ALDH1A1: variants seen among roughly 807,000 people sequenced by gnomAD.
ALDH1A1 encodes aldehyde dehydrogenase 1 family member A1, also known as aldehyde dehydrogenase 1A1.
A neutral mutation model predicts 62.1 loss-of-function variants in ALDH1A1; 19 were observed. The observed-to-expected ratio is 0.31, with a 90% confidence interval of 0.21 to 0.45. ALDH1A1 has a LOEUF of 0.45. Ranked by LOEUF, ALDH1A1 falls within the 20% of genes least tolerant of loss-of-function variation. ALDH1A1 has a pLI of 1.00. For synonymous variants in ALDH1A1, 231 were observed against 215.9 expected, an observed-to-expected ratio of 1.07 and a Z score of -0.61; for missense variants, 521 against 607.1, an observed-to-expected ratio of 0.86 and a Z score of 1.49.
Position 72,912,071 on chromosome 9 carries a change from T to C in ALDH1A1, c.1087A>G (p.Lys363Glu). 1 of 1,613,858 alleles carries C rather than the reference T, an allele frequency of 6.2e-7. No homozygotes were observed. Among genetic ancestry groups the C allele is most frequent in the Non-Finnish European group, 8.5e-7 (1 of 1,179,792 alleles). The change falls in exon 10 of 13, where the codon AAA becomes GAA. Residue 363 changes from lysine (K) to glutamate (E), a missense_variant. Physicochemically the swap from Lys to Glu is moderately conservative, Grantham distance 56 (BLOSUM62 1). Coordinates refer to ENST00000297785, the MANE Select transcript of ALDH1A1 (RefSeq NM_000689.5). ...CCACATTCCAGTTTGGCCCCTTCTT[T>C]CTTCCCACTCTCAATGAGGTCAAGT... is the stretch of plus-strand genomic sequence containing the variant. The part of the protein sequence containing the change: ...KILDLIESGK[K>E]EGAKLECGGG...
At chr9:72,932,314 A>G (rs777841750) in intron 2 of ALDH1A1, among the ~76,000 whole-genome samples, 1 of 152,190 alleles carries the variant, frequency 6.6e-6, no homozygotes, top group African/African-American at 2.4e-5. Context: ...AATCCCATCT[A>G]AGGAGATATC....
intron 11 of ALDH1A1, among the ~76,000 whole-genome samples, chr9:72,907,837 A>G (rs1446620704): frequency 6.6e-6 from 1 of 152,172 alleles, no homozygotes; most frequent in Non-Finnish European, 1.5e-5. Flanking sequence ...GCTGAATTTT[A>G]TTAATGCTTT....
At chr9:72,920,567 T>C (rs1469032165) in intron 7 of ALDH1A1, among the ~76,000 whole-genome samples, 1 of 152,226 alleles carries the variant, frequency 6.6e-6, no homozygotes, top group Non-Finnish European at 1.5e-5. Context: ...AAATCAAATA[T>C]ATTTTTGTAA....
chr9:72,949,171 C>A (rs1308179702), intron 1 of ALDH1A1, among the ~76,000 whole-genome samples: 2 of 151,914 alleles, frequency 1.3e-5, no homozygotes, highest in Admixed American at 6.6e-5. Flanking sequence ...TGCCTCATAG[C>A]CTCTCCTAGC....
chr9:72,935,176 C>A (rs535853945), intron 2 of ALDH1A1, among the ~76,000 whole-genome samples: 10 of 152,194 alleles, frequency 6.6e-5, no homozygotes, highest in Admixed American at 6.5e-4. Context: ...AACTGTTAGA[C>A]ATAACAGTTA....
At chr9:72,911,568 TTCTAC>T (rs1829989045) in intron 10 of ALDH1A1, among the ~76,000 whole-genome samples, 1 of 152,186 alleles carries the variant, frequency 6.6e-6, no homozygotes, top group Non-Finnish European at 1.5e-5. Context: ...CTTCTATGAG[TTCTAC>T]TCTTTGAGAT....
intron 12 of ALDH1A1, among the ~76,000 whole-genome samples, chr9:72,905,657 G>T (rs1484945464): frequency 1.3e-4 from 19 of 151,996 alleles, no homozygotes; most frequent in Admixed American, 1.1e-3. Flanking sequence ...TTCCCAAATG[G>T]ATTACATTCA....
chr9:72,927,338 C>A (rs548537083), intron 4 of ALDH1A1, among the ~76,000 whole-genome samples, 161 bp from the exon 5 acceptor site: 2 of 152,006 alleles, frequency 1.3e-5, no homozygotes, highest in Admixed American at 1.3e-4. Context: ...TTTGGGAGGC[C>A]GAGGCAGGCA....
At position 72,905,954 on chromosome 9, in the gene ALDH1A1, T is replaced by C; in HGVS notation, c.1433+4A>G. The C allele has an allele frequency of 6.3e-7, 1 of 1,599,872 alleles. No individual in the cohort carries two copies. The highest frequency in any genetic ancestry group is 8.6e-7 in the Non-Finnish European group (1 of 1,169,346). On this transcript the variant is annotated splice_donor_region_variant and intron_variant, in intron 12 of 12. Transcript: ENST00000297785. ...TATTTATCTTAATAGAACGTTAATC[T>C]TACAGTTCTCTTCCATTTCCAGACA... is the stretch of plus-strand genomic sequence containing the variant.
chr9:72,932,694 T>C (rs771513308), intron 2 of ALDH1A1, among the ~76,000 whole-genome samples: 3 of 152,234 alleles, frequency 2.0e-5, no homozygotes, highest in Non-Finnish European at 2.9e-5. Flanking sequence ...TGATTGCTTA[T>C]ATTTAGACAT....
chr9:72,910,722 A>G (rs373983342), intron 10 of ALDH1A1, among the ~76,000 whole-genome samples: 2 of 152,188 alleles, frequency 1.3e-5, no homozygotes, highest in Admixed American at 1.3e-4. Flanking sequence ...GAAGACAAAA[A>G]TCAGAAATGA....
chr9:72,912,905 C>T (rs1480370315), intron 9 of ALDH1A1, among the ~76,000 whole-genome samples: 1 of 152,142 alleles, frequency 6.6e-6, no homozygotes, highest in Non-Finnish European at 1.5e-5. Flanking sequence ...AAATCTGGGG[C>T]TAATTTTTGT....
At chr9:72,918,607 C>T in intron 8 of ALDH1A1, 113 bp downstream of exon 8, 1 of 650,592 alleles carries the variant, frequency 1.5e-6, no homozygotes, top group Non-Finnish European at 2.5e-6. Context: ...ATGTTAGAAG[C>T]AAATGCTTTT....
At chr9:72,945,242 T>C (rs1830462376) in intron 1 of ALDH1A1, among the ~76,000 whole-genome samples, 2 of 152,054 alleles carry the variant, frequency 1.3e-5, no homozygotes, top group Non-Finnish European at 2.9e-5. Flanking sequence ...TATCTGCTGA[T>C]ATGAGATTTT....
Position 72,912,994 on chromosome 9 carries a change from G to A in ALDH1A1, c.1036-872C>T, listed in dbSNP as rs1330772694. On this transcript the variant is annotated intron_variant, in intron 9 of 12. Coordinates refer to ENST00000297785, the MANE Select transcript of ALDH1A1 (RefSeq NM_000689.5). ...AACCGGTGAGGGCTGCCTATCTCAG[G>A]TGTAGCAGGGGTTAAGGATTAAAGG... Among the ~76,000 whole-genome samples the A allele has an allele frequency of 4.6e-5, 7 of 152,224 alleles. 1 individual carries two copies. In the South Asian group the frequency reaches 1.2e-3, roughly 27 times the overall value.
At chr9:72,918,884 G>T (rs1031307650) in intron 7 of ALDH1A1, 62 bp from the exon 8 acceptor site, 1 of 1,228,890 alleles carries the variant, frequency 8.1e-7, no homozygotes, top group Non-Finnish European at 1.2e-6. Context: ...GGTTGCTTTA[G>T]CATTCTAAAT....
chr9:72,932,693 A>G (rs1357692649), intron 2 of ALDH1A1, among the ~76,000 whole-genome samples: 1 of 152,228 alleles, frequency 6.6e-6, no homozygotes, highest in Non-Finnish European at 1.5e-5. Flanking sequence ...TTGATTGCTT[A>G]TATTTAGACA....
Position 72,900,962 on chromosome 9 carries a change from T to G in ALDH1A1, c.*246A>C, listed in dbSNP as rs1321123055. The G allele has an allele frequency of 5.8e-6, 2 of 341,894 alleles. No homozygotes were observed. Among genetic ancestry groups the G allele is most frequent in the Non-Finnish European group, 1.1e-5 (2 of 185,934 alleles). The allele number at this position is 341,894 out of a possible 1,614,324, so 21.2% of individuals were successfully genotyped here. A position where few individuals can be genotyped will look rare whatever the true frequency, so the allele number is the denominator to read the frequency against. The stretch of plus-strand genomic sequence containing the variant: ...CATAACTATGACAAAGCTAGAGAGA[T>G]CATACATCCGAATTTGTCTTTTTTT... On this transcript the variant is annotated 3_prime_UTR_variant, in exon 13 of 13. Coordinates refer to ENST00000297785, the MANE Select transcript of ALDH1A1 (RefSeq NM_000689.5).
At position 72,920,937 on chromosome 9, in the gene ALDH1A1, G is replaced by A. The variant is rs1289045112; in HGVS notation, c.748-2115C>T. ...AGCTTATTATGTCTTGCATAATGTGGGTAGAGTTCTATTTTATATGAATCT... is the reference window on the plus strand; with the variant it reads ...AGCTTATTATGTCTTGCATAATGTGAGTAGAGTTCTATTTTATATGAATCT... On this transcript the variant is annotated intron_variant, in intron 7 of 12. Transcript: ENST00000297785. 1.3e-5 allele frequency among the ~76,000 whole-genome samples: 2 copies of A among 152,172 alleles called. 1 individual carries two copies. The highest frequency in any genetic ancestry group is 2.9e-5 in the Non-Finnish European group (2 of 68,026).
Sources: gnomAD v4.1 joint callset for allele counts (sites outside exome capture counted in the v4.1 genomes callset) on GRCh38, gnomAD v4.1.1 for gene constraint, MANE v1.5 for transcripts, NCBI Gene and HGNC (gene_info 2026-07-23, HGNC 2026-07-21) for gene names.